FAT3: variants seen among roughly 807,000 people sequenced by gnomAD.
FAT3 encodes the protein FAT atypical cadherin 3.
Under a neutral mutation model 310.2 loss-of-function variants are expected in FAT3, and 95 were observed. The ratio of observed to expected loss-of-function variants is 0.31; its 90% confidence interval spans 0.26 to 0.36. The LOEUF (loss-of-function observed/expected upper bound fraction) is 0.36. Among genes scored for constraint, FAT3 ranks in the 10% least tolerant of loss-of-function variants. The probability of loss-of-function intolerance (pLI) is 1.00; values close to 1 mark genes in which losing one functional copy is unlikely to be tolerated. For synonymous variants in FAT3, 2,314 were observed against 2,192.9 expected (o/e 1.06, Z -1.54); for missense variants, 5,408 against 5,715.6 (o/e 0.95, Z 1.74).
chr11:92,472,226 T>C (rs1489863745), intron 2 of FAT3, among the ~76,000 whole-genome samples: 1 of 152,132 alleles, frequency 6.6e-6, no homozygotes, highest in Non-Finnish European at 1.5e-5. Flanking sequence ...TCTGAAATGC[T>C]ATATTTAATA....
Position 92,810,092 on chromosome 11 carries a change from G to C in FAT3, c.9481+16G>C. ...CCCGACATTGGTAAGTCAGTTGCAG[G>C]CATCTCCCTGTCACACAGTGGACAC... On this transcript the variant is annotated intron_variant, in intron 13 of 27. Transcript: ENST00000525166. 9 of 1,608,698 alleles carry C rather than the reference G, an allele frequency of 5.6e-6. No individual in the cohort carries two copies. The South Asian group carries it at 8.8e-5, about 16-fold the overall frequency.
intron 6 of FAT3, among the ~76,000 whole-genome samples, chr11:92,772,800 A>G (rs566959199): frequency 6.6e-6 from 1 of 152,186 alleles, no homozygotes; most frequent in East Asian, 1.9e-4. Context: ...TTTTAAGTAA[A>G]CCATATTATT....
rs374474442 is a variant in FAT3 at position 92,882,567 on chromosome 11, G to A, written c.12282-171G>A. Among the ~76,000 whole-genome samples, 204 of 126,468 alleles carry A rather than the reference G, an allele frequency of 1.6e-3. 1 individual carries two copies. Among genetic ancestry groups the A allele is most frequent in the African/African-American group, 6.2e-3 (198 of 32,190 alleles). The allele number at this position is 126,468 out of a possible 152,430, so 83.0% of individuals were successfully genotyped here. A position where few individuals can be genotyped will look rare whatever the true frequency, so the allele number is the denominator to read the frequency against. On this transcript the variant is annotated intron_variant, in intron 23 of 27. Transcript: ENST00000525166. ...TGGGGACCACAGTGGCCACAGAAAT[G>A]CCTAAATTAACTCCCCCTCCCCCCC...
chr11:92,557,619 T>C (rs986059834), intron 3 of FAT3, among the ~76,000 whole-genome samples: 3 of 152,318 alleles, frequency 2.0e-5, no homozygotes, highest in Non-Finnish European at 4.4e-5. Context: ...CTGTATCAGA[T>C]TCTGTGCCCC....
intron 4 of FAT3, among the ~76,000 whole-genome samples, chr11:92,760,230 G>A (rs11020052): frequency 0.79 from 120,445 of 152,210 alleles, 47,917 homozygotes; most frequent in Admixed American, 0.83. Context: ...GAGAACTTGT[G>A]TGAAAATTTA....
At chr11:92,521,864 TAG>T (rs1953695905) in intron 2 of FAT3, among the ~76,000 whole-genome samples, 1 of 152,286 alleles carries the variant, frequency 6.6e-6, no homozygotes, top group Admixed American at 6.5e-5. Context: ...CTTCTGGTTC[TAG>T]AGTCTTTGGT....
At chr11:92,611,965 G>A (rs1302451021) in intron 3 of FAT3, among the ~76,000 whole-genome samples, 1 of 152,106 alleles carries the variant, frequency 6.6e-6, no homozygotes, top group Non-Finnish European at 1.5e-5. Flanking sequence ...TTCCAAATGA[G>A]GGGAGAACAG....
At chr11:92,235,193 G>A (rs138087877) in intron 1 of FAT3, among the ~76,000 whole-genome samples, 304 of 152,254 alleles carry the variant, frequency 2.0e-3, no homozygotes, top group African/African-American at 6.4e-3. Context: ...ATCCAGAGAA[G>A]TTCCCCTCAT....
At chr11:92,585,843 A>G (rs1194308408) in intron 3 of FAT3, among the ~76,000 whole-genome samples, 2 of 144,584 alleles carry the variant, frequency 1.4e-5, no homozygotes, top group East Asian at 2.0e-4. Context: ...TTTTTTCCCC[A>G]TTAAAGGCAT....
chr11:92,709,837 A>G (rs1168861278), intron 4 of FAT3, among the ~76,000 whole-genome samples: 2 of 152,150 alleles, frequency 1.3e-5, no homozygotes, highest in Admixed American at 1.3e-4. Context: ...TGGCTTGCCA[A>G]CCCCAGCTCC....
chr11:92,814,079 C>T (rs1947755255), intron 13 of FAT3, among the ~76,000 whole-genome samples: 1 of 152,120 alleles, frequency 6.6e-6, no homozygotes, highest in African/African-American at 2.4e-5. Context: ...AGAACGTGCC[C>T]CCACCAACAC....
chr11:92,243,097 G>A (rs75425176), intron 1 of FAT3, among the ~76,000 whole-genome samples: 3 of 151,886 alleles, frequency 2.0e-5, no homozygotes, highest in Non-Finnish European at 4.4e-5. Context: ...TGTAAAATTG[G>A]GTAATAGTTG....
intron 1 of FAT3, among the ~76,000 whole-genome samples, chr11:92,304,658 G>A (rs1947076229): frequency 6.6e-6 from 1 of 152,102 alleles, no homozygotes; most frequent in Non-Finnish European, 1.5e-5. Flanking sequence ...AACTGGAAGG[G>A]CATTCTTTGA....
intron 1 of FAT3, among the ~76,000 whole-genome samples, chr11:92,340,940 G>C (rs1288249787): frequency 6.6e-6 from 1 of 152,160 alleles, no homozygotes; most frequent in Non-Finnish European, 1.5e-5. Flanking sequence ...AGATCCGGAA[G>C]ACTAGTTTTC....
intron 2 of FAT3, among the ~76,000 whole-genome samples, chr11:92,519,955 A>G (rs776660259): frequency 2.0e-5 from 3 of 152,164 alleles, no homozygotes; most frequent in Non-Finnish European, 4.4e-5. Flanking sequence ...ATATATGTCT[A>G]TCCTATGATA....
chr11:92,435,468 A>ATCTTTCCTTCCT (rs1950905828), intron 2 of FAT3, among the ~76,000 whole-genome samples: 1 of 107,986 alleles, frequency 9.3e-6, no homozygotes, highest in African/African-American at 3.3e-5. Flanking sequence ...TCTTTTATTT[A>ATCTTTCCTTCCT]TCCTTCCTTC....
At chr11:92,577,107 TTTTA>T (rs1451524351) in intron 3 of FAT3, among the ~76,000 whole-genome samples, 3 of 152,066 alleles carry the variant, frequency 2.0e-5, no homozygotes, top group Admixed American at 6.6e-5. Context: ...TATTTTTTAT[TTTTA>T]TTTATTTATT....
chr11:92,345,811 T>A (rs1378904082), intron 1 of FAT3, among the ~76,000 whole-genome samples: 1 of 152,158 alleles, frequency 6.6e-6, no homozygotes, highest in Non-Finnish European at 1.5e-5. Flanking sequence ...ATAGGCAAGC[T>A]GTGTGACCTT....
chr11:92,895,486 G>A lies in FAT3; in HGVS notation c.*4373G>A, dbSNP rs1303404838. On this transcript the variant is annotated 3_prime_UTR_variant, in exon 28 of 28. Coordinates refer to ENST00000525166, the MANE Select transcript of FAT3 (RefSeq NM_001367949.2). The stretch of plus-strand genomic sequence containing the variant: ...TACAAGTAGGTAATAATACACAAAG[G>A]CCATAATTAGTCTCTTCTAGTGTTT... 1 of 152,138 alleles carries A rather than the reference G, an allele frequency of 6.6e-6. No individual in the cohort carries two copies. Among genetic ancestry groups the A allele is most frequent in the Non-Finnish European group, 1.5e-5 (1 of 68,018 alleles). 9.4% of individuals were successfully genotyped at this position (152,138 alleles called of 1,614,324 possible). A position where few individuals can be genotyped will look rare whatever the true frequency, so the allele number is the denominator to read the frequency against.
Sources: gnomAD v4.1 joint callset for allele counts (sites outside exome capture counted in the v4.1 genomes callset) on GRCh38, gnomAD v4.1.1 for gene constraint, MANE v1.5 for transcripts, NCBI Gene and HGNC (gene_info 2026-07-23, HGNC 2026-07-21) for gene names.